Variants in OXR1 observed in about 807,000 individuals in gnomAD.
OXR1 encodes oxidation resistance 1.
A neutral mutation model predicts 104.6 loss-of-function variants in OXR1; 41 were observed. The ratio of observed to expected loss-of-function variants is 0.39; its 90% CI spans 0.31 to 0.51. OXR1 has a LOEUF of 0.51. OXR1 is among the 20% of genes least tolerant of loss of function. The pLI is 0.77. For synonymous variants in OXR1, 348 were observed against 348.4 expected (o/e 1.00, Z 0.01); for missense variants, 955 against 1,031.9 (o/e 0.93, Z 1.02).
At chr8:106,452,739 T>G (rs189732477) in intron 2 of OXR1, among the ~76,000 whole-genome samples, 352 of 152,288 alleles carry the variant, frequency 2.3e-3, no homozygotes, top group Non-Finnish European at 3.8e-3. Context: ...CTTTGCTTTT[T>G]GTTGTTTGTT....
chr8:106,662,229 C>T (rs1825834228), intron 3 of OXR1, among the ~76,000 whole-genome samples: 1 of 152,162 alleles, frequency 6.6e-6, no homozygotes, highest in South Asian at 2.1e-4. Flanking sequence ...TGCCTCATAG[C>T]ATATATGTTA....
chr8:106,631,722 A>G (rs1822701681), intron 3 of OXR1, among the ~76,000 whole-genome samples: 1 of 152,206 alleles, frequency 6.6e-6, no homozygotes, highest in South Asian at 2.1e-4. Flanking sequence ...AATGAGCTAG[A>G]TCATGTTGTA....
chr8:106,493,606 G>GT (rs36108388), intron 2 of OXR1, among the ~76,000 whole-genome samples: 16,216 of 152,066 alleles, frequency 0.11, 944 homozygotes, highest in African/African-American at 0.14. Context: ...AAAAAAATAC[G>GT]TTTTTGCTCT....
intron 2 of OXR1, among the ~76,000 whole-genome samples, chr8:106,454,927 G>A (rs1820521916): frequency 1.3e-5 from 2 of 152,136 alleles, no homozygotes; most frequent in African/African-American, 4.8e-5. Context: ...AGCATTTTGT[G>A]TATACTTATT....
chr8:106,585,407 C>T (rs756730140), intron 3 of OXR1, among the ~76,000 whole-genome samples: 5 of 152,074 alleles, frequency 3.3e-5, no homozygotes, highest in African/African-American at 9.7e-5. Context: ...TAGTCTAAAC[C>T]AACTTGCTAG....
rs1035634850 is a variant in OXR1 at position 106,433,310 on chromosome 8, C to T, written c.23+73674C>T. Among the ~76,000 whole-genome samples the T allele has an allele frequency of 2.6e-5, 4 of 152,240 alleles. No individual in the cohort carries two copies. In the South Asian group the frequency reaches 6.2e-4, roughly 24 times the overall value. On this transcript the variant is annotated intron_variant, in intron 2 of 16. Coordinates refer to ENST00000517566, the MANE Select transcript of OXR1 (RefSeq NM_001198533.2). ...TCAATCTGAGTGGTGTCAGCTGATT[C>T]ATCCAGTTCAGGGTCAGCAAAACAT...
intron 1 of OXR1, among the ~76,000 whole-genome samples, chr8:106,338,179 A>T (rs1013008984): frequency 1.3e-5 from 2 of 152,208 alleles, no homozygotes; most frequent in African/African-American, 4.8e-5. Context: ...TTAAAGGAGC[A>T]TATGCAGTCC....
At chr8:106,307,323 T>C (rs1813505836) in intron 1 of OXR1, among the ~76,000 whole-genome samples, 1 of 152,148 alleles carries the variant, frequency 6.6e-6, no homozygotes, top group Admixed American at 6.5e-5. Context: ...ATTTCCCCAT[T>C]GTCCCCAGGA....
At chr8:106,589,557 C>G (rs915661348) in intron 3 of OXR1, among the ~76,000 whole-genome samples, 1 of 152,084 alleles carries the variant, frequency 6.6e-6, no homozygotes, top group East Asian at 1.9e-4. Flanking sequence ...ATAGATCCAA[C>G]AAAGCAGGAA....
intron 3 of OXR1, among the ~76,000 whole-genome samples, chr8:106,612,953 C>T (rs776792667): frequency 1.1e-4 from 16 of 152,112 alleles, no homozygotes; most frequent in Non-Finnish European, 1.9e-4. Flanking sequence ...TCTTCAGAAT[C>T]ATAACTGCTC....
intron 2 of OXR1, among the ~76,000 whole-genome samples, chr8:106,427,664 C>G (rs1819187676): frequency 6.6e-6 from 1 of 152,102 alleles, no homozygotes; most frequent in Non-Finnish European, 1.5e-5. Flanking sequence ...TCCATTATCT[C>G]TATGAAAAAT....
chr8:106,451,799 T>G (rs1038801635), intron 2 of OXR1, among the ~76,000 whole-genome samples: 11 of 152,298 alleles, frequency 7.2e-5, no homozygotes, highest in African/African-American at 1.9e-4. Context: ...GCATGTCCCT[T>G]GACTTTTTTT....
intron 2 of OXR1, among the ~76,000 whole-genome samples, chr8:106,411,747 T>G (rs1416319390): frequency 6.6e-6 from 1 of 152,154 alleles, no homozygotes; most frequent in Non-Finnish European, 1.5e-5. Context: ...CTAGAGAGCT[T>G]GGGACTCAGG....
At chr8:106,305,895 A>G (rs574434502) in intron 1 of OXR1, among the ~76,000 whole-genome samples, 11 of 152,196 alleles carry the variant, frequency 7.2e-5, no homozygotes, top group Non-Finnish European at 1.6e-4. Flanking sequence ...TACTAGAGAA[A>G]AAACTGAGGA....
chr8:106,531,579 G>A (rs1307932863), intron 3 of OXR1, among the ~76,000 whole-genome samples: 1 of 152,018 alleles, frequency 6.6e-6, no homozygotes, highest in South Asian at 2.1e-4. Context: ...AATATCATAG[G>A]TGCCCACAGA....
intron 1 of OXR1, among the ~76,000 whole-genome samples, chr8:106,303,157 T>C: frequency 6.6e-6 from 1 of 152,000 alleles, no homozygotes; most frequent in Non-Finnish European, 1.5e-5. Flanking sequence ...AATTTTTCTT[T>C]AACTTTTAGA....
intron 1 of OXR1, among the ~76,000 whole-genome samples, chr8:106,316,721 T>TATC (rs1554622127): frequency 0.098 from 3,354 of 34,366 alleles, 68 homozygotes; most frequent in East Asian, 0.15. Context: ...ATCTATCATC[T>TATC]ATCTATCTAT....
chr8:106,516,630 ATTTATT>A (rs1191026030), intron 2 of OXR1, among the ~76,000 whole-genome samples: 1 of 152,164 alleles, frequency 6.6e-6, no homozygotes, highest in East Asian at 1.9e-4. Context: ...GCTTCACTCT[ATTTATT>A]TTTATTACCA....
chr8:106,745,428 T>C (rs1211676518), intron 15 of OXR1, among the ~76,000 whole-genome samples: 1 of 152,212 alleles, frequency 6.6e-6, no homozygotes, highest in East Asian at 1.9e-4. Flanking sequence ...TGTTTAATGG[T>C]AAAAGTTAAT....
Sources: allele counts gnomAD v4.1 joint callset (sites outside exome capture counted in the v4.1 genomes callset), GRCh38; gene constraint gnomAD v4.1.1; transcripts MANE v1.5; gene names NCBI Gene and HGNC (gene_info 2026-07-23, HGNC 2026-07-21).